Variants in AKR1C3 observed in about 807,000 individuals in gnomAD.
AKR1C3 encodes aldo-keto reductase family 1 member C3.
AKR1C3 carries 48 observed loss-of-function variants against 43.6 expected under a neutral mutation model. The observed-to-expected ratio is 1.10, with a 90% CI of 0.87 to 1.40. AKR1C3 has a LOEUF of 1.40. Among genes scored for constraint, AKR1C3 ranks in the 40% most tolerant of loss-of-function variants. The probability of loss-of-function intolerance (pLI) is 0.00; values close to 1 mark genes in which losing one functional copy is unlikely to be tolerated. For missense variants in AKR1C3, 482 were observed against 391.2 expected, an observed-to-expected ratio of 1.23 and a Z score of -1.96; for synonymous variants, 162 against 139.6, an observed-to-expected ratio of 1.16 and a Z score of -1.13.
upstream of AKR1C3, among the ~76,000 whole-genome samples, chr10:5,090,504 A>G (rs1839067142): frequency 6.6e-6 from 1 of 152,118 alleles, no homozygotes; most frequent in Non-Finnish European, 1.5e-5. Flanking sequence ...ATAGCTCTCT[A>G]AGGAAGTGAT....
At chr10:5,070,005 A>T (rs1384182742) in intron 1 of AKR1C3, among the ~76,000 whole-genome samples, 1 of 152,212 alleles carries the variant, frequency 6.6e-6, no homozygotes, top group African/African-American at 2.4e-5. Flanking sequence ...GCTGCTAGAA[A>T]GCAGTTGTTG....
At chr10:5,061,276 A>G (rs1415653391) in intron 1 of AKR1C3, among the ~76,000 whole-genome samples, 3 of 152,194 alleles carry the variant, frequency 2.0e-5, no homozygotes, top group Non-Finnish European at 2.9e-5. Flanking sequence ...GCTTCTGAAG[A>G]AGGAGCTGGT....
upstream of AKR1C3, among the ~76,000 whole-genome samples, chr10:5,089,911 T>C (rs1839048880): frequency 6.6e-6 from 1 of 152,170 alleles, no homozygotes; most frequent in African/African-American, 2.4e-5. Flanking sequence ...CTTTTCTCTA[T>C]TTTTGCTTTA....
rs782175496 is a variant in AKR1C3, at chr10:5,102,533, C to T, written c.729C>T (p.Ala243=). The T allele has an allele frequency of 8.3e-6, 13 of 1,575,534 alleles. No homozygotes were observed. Among genetic ancestry groups the T allele is most frequent in the South Asian group, 1.2e-5 (1 of 86,096 alleles). The stretch of plus-strand genomic sequence containing the variant: ...TCTTGGAGGACCCAGTCCTTTGTGC[C>T]TTGGCAAAAAAGCACAAGCGAACCC... ...PVLLEDPVLC[A]LAKKHKRTPA... Residue 243 remains alanine, a synonymous_variant, in exon 7 of 9, where the codon GCC becomes GCT. Coordinates refer to ENST00000380554, the MANE Select transcript of AKR1C3 (RefSeq NM_003739.6).
upstream of AKR1C3, among the ~76,000 whole-genome samples, chr10:5,092,540 G>A (rs538273584): frequency 6.9e-6 from 1 of 144,198 alleles, no homozygotes; most frequent in Non-Finnish European, 1.5e-5. Flanking sequence ...CCCTAAACAT[G>A]TAGATTATAT....
intron 7 of AKR1C3, among the ~76,000 whole-genome samples, chr10:5,104,671 G>A (rs1839454126): frequency 1.3e-5 from 2 of 152,088 alleles, no homozygotes; most frequent in Admixed American, 6.5e-5. Flanking sequence ...ACTGTGAAGA[G>A]AACTTTTTGA....
chr10:5,098,905 GA>G, intron 4 of AKR1C3, 26 bp downstream of exon 4: 1 of 1,559,872 alleles, frequency 6.4e-7, no homozygotes, highest in Non-Finnish European at 8.8e-7. Context: ...AGAGGACACA[GA>G]GAAGGATGAC....
intron 1 of AKR1C3, among the ~76,000 whole-genome samples, chr10:5,049,381 A>G (rs912087856): frequency 1.3e-5 from 2 of 151,762 alleles, no homozygotes; most frequent in African/African-American, 4.8e-5. Flanking sequence ...TGAGCACCAC[A>G]TGGTAATACT....
chr10:5,071,374 T>C (rs1284840401), intron 1 of AKR1C3, among the ~76,000 whole-genome samples: 1 of 152,166 alleles, frequency 6.6e-6, no homozygotes, highest in East Asian at 1.9e-4. Flanking sequence ...CCTCTCTACA[T>C]AATGAGAGTA....
Position 5,096,421 on chromosome 10 carries a change from T to TAA in AKR1C3, c.98_99dup (p.Ala34LysfsTer8), listed in dbSNP as rs1554785128. The TAA allele has an allele frequency of 6.2e-7, 1 of 1,613,056 alleles. No homozygotes were observed. The highest frequency in any genetic ancestry group is 1.7e-5 in the Admixed American group (1 of 59,966). On this transcript the variant is annotated frameshift_variant, in exon 2 of 9. Coordinates refer to ENST00000380554, the MANE Select transcript of AKR1C3 (RefSeq NM_003739.6). LOFTEE classifies it high-confidence loss of function. Reference sequence around the variant, plus strand: ...GGTTGCTCCTCCAGGTTCCGAGAAGTAAAGCTTTGGAGGTCACAAAATTAG... The same window carrying TAA: ...GGTTGCTCCTCCAGGTTCCGAGAAGTAAAAAGCTTTGGAGGTCACAAAATTAG...
chr10:5,084,020 C>T (rs1241136385), intron 1 of AKR1C3, among the ~76,000 whole-genome samples: 5 of 152,152 alleles, frequency 3.3e-5, no homozygotes, highest in East Asian at 1.9e-4. Flanking sequence ...TTCTCCCATT[C>T]TGTAGGTTGC....
In AKR1C3 at chr10:5,086,065, C is replaced by T. The variant is rs1838958997; in HGVS notation, c.85-10345C>T. ...TAATTTTTTGAAGGGTTTTTTGTGTCTCTATTTCCTTCAGTTCTGCTCTGA... is the reference window on the plus strand; with the variant it reads ...TAATTTTTTGAAGGGTTTTTTGTGTTTCTATTTCCTTCAGTTCTGCTCTGA... On this transcript the variant is annotated intron_variant, in intron 1 of 8. Transcript: ENST00000439082. 1.3e-5 allele frequency among the ~76,000 whole-genome samples: 2 copies of T among 151,682 alleles called. 1 individual carries two copies. Among genetic ancestry groups the T allele is most frequent in the South Asian group, 4.2e-4 (2 of 4,786 alleles).
chr10:5,090,704 G>A (rs1338489973), upstream of AKR1C3, among the ~76,000 whole-genome samples: 1 of 152,036 alleles, frequency 6.6e-6, no homozygotes, highest in Non-Finnish European at 1.5e-5. Context: ...CCAGGGAAGT[G>A]ATCACATGCC....
At chr10:5,090,043 C>T (rs907040298), upstream of AKR1C3, among the ~76,000 whole-genome samples, 1 of 152,112 alleles carries the variant, frequency 6.6e-6, no homozygotes, top group Non-Finnish European at 1.5e-5. Flanking sequence ...GTTCAATTCA[C>T]AGGCCAGTAG....
intron 1 of AKR1C3, among the ~76,000 whole-genome samples, chr10:5,050,221 G>A (rs1282757965): frequency 6.6e-6 from 1 of 152,282 alleles, no homozygotes; most frequent in African/African-American, 2.4e-5. Context: ...CTCTTTGGAT[G>A]TTTGCACATG....
intron 5 of AKR1C3, among the ~76,000 whole-genome samples, chr10:5,100,936 A>G (rs988175285): frequency 6.6e-6 from 1 of 152,354 alleles, no homozygotes; most frequent in Admixed American, 6.5e-5. Flanking sequence ...AATATTTTCA[A>G]AATCTCTTTA....
chr10:5,077,604 T>G (rs1173982653), intron 1 of AKR1C3: 8 of 962,984 alleles, frequency 8.3e-6, no homozygotes, highest in Middle Eastern at 5.0e-4. Flanking sequence ...TTAAAGTTGA[T>G]TTAATTGCTT....
At chr10:5,100,062 G>C (rs1839309914) in intron 5 of AKR1C3, among the ~76,000 whole-genome samples, 1 of 152,232 alleles carries the variant, frequency 6.6e-6, no homozygotes, top group African/African-American at 2.4e-5. Context: ...GGAGGCAAAG[G>C]CAGGTGGATC....
At chr10:5,083,231 C>T (rs1838875201) in intron 1 of AKR1C3, among the ~76,000 whole-genome samples, 1 of 152,116 alleles carries the variant, frequency 6.6e-6, no homozygotes. Context: ...CCCGACTCCC[C>T]CCACCCCACA....
Sources: gnomAD v4.1 joint callset for allele counts (sites outside exome capture counted in the v4.1 genomes callset) on GRCh38, gnomAD v4.1.1 for gene constraint, MANE v1.5 for transcripts, NCBI Gene and HGNC (gene_info 2026-07-23, HGNC 2026-07-21) for gene names.